TULP4: variants seen among roughly 807,000 people sequenced by gnomAD.
TULP4 encodes the protein TUB like protein 4.
TULP4 carries 16 observed loss-of-function variants against 129.0 expected under a neutral mutation model. The ratio of observed to expected loss-of-function variants is 0.12; its 90% CI spans 0.08 to 0.19. The LOEUF (loss-of-function observed/expected upper bound fraction) is 0.19, where lower values mean the gene tolerates loss of function less well. Among genes scored for constraint, TULP4 ranks in the 10% least tolerant of loss-of-function variants. The probability of loss-of-function intolerance (pLI) is 1.00; values close to 1 mark genes in which losing one functional copy is unlikely to be tolerated. For synonymous variants in TULP4, 998 were observed against 854.0 expected (o/e 1.17, Z -2.94); for missense variants, 1,842 against 2,059.1 (o/e 0.89, Z 2.04).
intron 8 of TULP4, among the ~76,000 whole-genome samples, chr6:158,485,521 A>G (rs1406572311): frequency 6.6e-6 from 1 of 152,212 alleles, no homozygotes; most frequent in Non-Finnish European, 1.5e-5. Context: ...ACCAGCTGGG[A>G]TGATGGAGCT....
chr6:158,452,094 G>A, intron 4 of TULP4, 40 bp from the exon 5 acceptor site: 1 of 1,605,846 alleles, frequency 6.2e-7, no homozygotes, highest in Non-Finnish European at 8.5e-7. Context: ...TTTGGGTGGT[G>A]TGCTTCCCTC....
intron 1 of TULP4, among the ~76,000 whole-genome samples, chr6:158,349,868 C>T (rs1260143745): frequency 5.7e-5 from 7 of 122,306 alleles, no homozygotes; most frequent in Admixed American, 8.3e-5. Flanking sequence ...CCAGACGGGG[C>T]GGCCGGGCAG....
chr6:158,243,847 GGTGTGTGTGTGTGTGT>G (rs57298904), intron 1 of TULP4, among the ~76,000 whole-genome samples: 3 of 143,510 alleles, frequency 2.1e-5, no homozygotes, highest in Admixed American at 7.0e-5. Context: ...AGCTGAAATA[GGTGTGTGTGTGTGTGT>G]GTGTGTGTGT....
chr6:158,499,820 C>G (rs1436377918), intron 12 of TULP4, among the ~76,000 whole-genome samples: 1 of 151,972 alleles, frequency 6.6e-6, no homozygotes, highest in African/African-American at 2.4e-5. Flanking sequence ...TGTTTACCTT[C>G]TCTCAGCCCA....
chr6:158,364,866 T>A (rs1425348166), intron 1 of TULP4, among the ~76,000 whole-genome samples: 3 of 151,988 alleles, frequency 2.0e-5, no homozygotes, highest in African/African-American at 7.3e-5. Context: ...CCTTCCGAGT[T>A]GTGGGACTAC....
chr6:158,368,573 C>A (rs1214982314), intron 1 of TULP4, among the ~76,000 whole-genome samples: 1 of 152,178 alleles, frequency 6.6e-6, no homozygotes, highest in Non-Finnish European at 1.5e-5. Context: ...GGGTAGTTAA[C>A]TCAGTTGGTT....
intron 1 of TULP4, chr6:158,237,838 G>A (rs567446846): frequency 1.3e-6 from 1 of 757,980 alleles, no homozygotes; most frequent in Non-Finnish European, 2.5e-6. Context: ...TTTACTAAGA[G>A]CTGTGCCTTT....
intron 1 of TULP4, among the ~76,000 whole-genome samples, chr6:158,370,282 C>A (rs561518437): frequency 7.9e-4 from 119 of 151,418 alleles, no homozygotes; most frequent in African/African-American, 2.8e-3. Context: ...CATGGCGAAA[C>A]CCCATCTCTA....
chr6:158,495,834 A>G (rs1437508023), intron 11 of TULP4, among the ~76,000 whole-genome samples: 2 of 149,836 alleles, frequency 1.3e-5, no homozygotes, highest in Non-Finnish European at 3.0e-5. Flanking sequence ...GAGCGAAACT[A>G]CGTCTCAAGA....
Position 158,275,387 on chromosome 6 carries a change from G to A in TULP4, n.69-36664G>A, listed in dbSNP as rs372208145. The stretch of plus-strand genomic sequence containing the variant: ...ATACAGGGAGAGAAGCTGAGCCTGA[G>A]AGGGTTTGGCCATATTCCTGCCTGT... On this transcript the variant is annotated intron_variant and non_coding_transcript_variant, in intron 1 of 1. Coordinates refer to the TULP4 transcript ENST00000620026. 3.3e-5 allele frequency among the ~76,000 whole-genome samples: 5 copies of A among 152,312 alleles called. No homozygotes were observed. The East Asian group carries it at 9.6e-4, about 29-fold the overall frequency.
intron 2 of TULP4, among the ~76,000 whole-genome samples, chr6:158,414,638 T>A (rs1340093716): frequency 6.6e-6 from 1 of 152,124 alleles, no homozygotes; most frequent in Non-Finnish European, 1.5e-5. Context: ...CCTCTCCGAG[T>A]TGGCCTGTAA....
intron 5 of TULP4, among the ~76,000 whole-genome samples, chr6:158,454,497 T>C (rs1269478790): frequency 7.3e-6 from 1 of 137,698 alleles, no homozygotes; most frequent in South Asian, 2.5e-4. Context: ...TACCACTCAG[T>C]TCCTTTTTAT....
chr6:158,249,089 C>CAA (rs3884262), intron 1 of TULP4, among the ~76,000 whole-genome samples: 19,490 of 106,214 alleles, frequency 0.18, 1,933 homozygotes, highest in East Asian at 0.49. Context: ...GACCCTGTCT[C>CAA]AAAAAAAAAA....
chr6:158,349,770 C>G (rs1373185076), intron 1 of TULP4, among the ~76,000 whole-genome samples: 3 of 134,512 alleles, frequency 2.2e-5, no homozygotes, highest in South Asian at 2.6e-4. Context: ...GGCAGAGGCA[C>G]TCCTCACTTC....
chr6:158,421,448 T>C (rs1176737803), intron 2 of TULP4, among the ~76,000 whole-genome samples: 3 of 152,116 alleles, frequency 2.0e-5, no homozygotes, highest in Admixed American at 6.5e-5. Flanking sequence ...ATGGTGAATT[T>C]AAATATTTTC....
chr6:158,429,181 C>G (rs1778572520), intron 2 of TULP4, among the ~76,000 whole-genome samples: 1 of 152,208 alleles, frequency 6.6e-6, no homozygotes, highest in African/African-American at 2.4e-5. Flanking sequence ...CTCTGTTGCC[C>G]AGGCTGGAGT....
At chr6:158,251,954 A>G (rs552777210) in intron 1 of TULP4, among the ~76,000 whole-genome samples, 42 of 152,370 alleles carry the variant, frequency 2.8e-4, no homozygotes, top group Non-Finnish European at 5.1e-4. Flanking sequence ...GGTTAGCTGC[A>G]TTGAAGCTCC....
intron 1 of TULP4, among the ~76,000 whole-genome samples, chr6:158,317,831 C>A (rs1562518076): frequency 6.6e-6 from 1 of 152,172 alleles, no homozygotes; most frequent in Non-Finnish European, 1.5e-5. Context: ...TGTTTCCTGA[C>A]TTTTTAATGA....
chr6:158,351,000 T>G (rs1780504697), intron 1 of TULP4, among the ~76,000 whole-genome samples: 1 of 152,158 alleles, frequency 6.6e-6, no homozygotes, highest in Admixed American at 6.5e-5. Flanking sequence ...GCAGTTCACC[T>G]GCCTCGGCCT....
Sources: allele counts gnomAD v4.1 joint callset (sites outside exome capture counted in the v4.1 genomes callset), GRCh38; gene constraint gnomAD v4.1.1; transcripts MANE v1.5; gene names NCBI Gene and HGNC (gene_info 2026-07-23, HGNC 2026-07-21).